PALM: variants seen among roughly 807,000 people sequenced by gnomAD.
The protein encoded by PALM is paralemmin.
PALM carries 18 observed loss-of-function variants against 30.7 expected under a neutral mutation model. The ratio of observed to expected loss-of-function variants is 0.59; its 90% confidence interval spans 0.41 to 0.87. The LOEUF (loss-of-function observed/expected upper bound fraction) is 0.87, where lower values mean the gene tolerates loss of function less well. Among genes scored for constraint, PALM ranks in the 40% least tolerant of loss-of-function variants. The pLI is 0.00. For missense variants in PALM, 529 were observed against 555.4 expected (o/e 0.95, Z 0.48); for synonymous variants, 286 against 242.8 (o/e 1.18, Z -1.66).
intron 1 of PALM, among the ~76,000 whole-genome samples, chr19:718,855 G>A (rs971810452): frequency 6.6e-6 from 1 of 152,046 alleles, no homozygotes; most frequent in Non-Finnish European, 1.5e-5. Context: ...TTGGACTCCG[G>A]GGCTTGGAGC....
chr19:714,053 C>T (rs1214063950), intron 1 of PALM, among the ~76,000 whole-genome samples: 3 of 151,788 alleles, frequency 2.0e-5, no homozygotes, highest in Non-Finnish European at 2.9e-5. Context: ...TACAGGTACC[C>T]GCCACCACAC....
At chr19:726,283 C>G (rs537389478) in intron 2 of PALM, 94 bp downstream of exon 2, 12 of 1,003,766 alleles carry the variant, frequency 1.2e-5, no homozygotes, top group Non-Finnish European at 1.5e-5. Flanking sequence ...GGACCTGGAA[C>G]CAGGGCATGG....
intron 7 of PALM, among the ~76,000 whole-genome samples, chr19:736,617 C>T (rs1282176782): frequency 6.6e-6 from 1 of 152,166 alleles, no homozygotes; most frequent in Non-Finnish European, 1.5e-5. Context: ...TGGTCTGCCG[C>T]CTTGAATTTC....
rs961334532 is a variant in PALM at position 709,598 on chromosome 19, C to T, written c.5+447C>T. Among the ~76,000 whole-genome samples, 2 of 151,902 alleles carry T rather than the reference C, an allele frequency of 1.3e-5. No homozygotes were observed. Among genetic ancestry groups the T allele is most frequent in the African/African-American group, 2.4e-5 (1 of 41,398 alleles). ...CCGCCCCAGTCTGAGCGCACGGCTC[C>T]TGGCGCCCTGGACGCGCGCGCGGGC... On this transcript the variant is annotated intron_variant, in intron 1 of 8. Coordinates refer to ENST00000338448, the MANE Select transcript of PALM (RefSeq NM_002579.3). This position sits in a 1 kb window ranked among gnomAD's most constrained non-coding sequence, Gnocchi z 4.3.
Position 711,840 on chromosome 19 carries a change from G to A in PALM, c.5+2689G>A, listed in dbSNP as rs560852075. Among the ~76,000 whole-genome samples the A allele has an allele frequency of 4.6e-5, 7 of 152,184 alleles. No homozygotes were observed. The East Asian group carries it at 1.2e-3, about 25-fold the overall frequency. The stretch of plus-strand genomic sequence containing the variant: ...TTTCCATGTTGCCCAGGCCAGTCTC[G>A]AACTCCTGGGCTCAAGCGACTTCCC... On this transcript the variant is annotated intron_variant, in intron 1 of 8. Transcript: ENST00000338448.
intron 4 of PALM, among the ~76,000 whole-genome samples, chr19:730,860 G>T (rs2032846488): frequency 6.6e-6 from 1 of 152,096 alleles, no homozygotes; most frequent in South Asian, 2.1e-4. Flanking sequence ...AATTAGCTGG[G>T]TGTGGTGGTG....
rs1053118062 is a variant in PALM, at chr19:719,216, C to T, written c.6-6922C>T. ...CCCATCCCACACACGCCCCTCCCGC[C>T]TCGGACAGGGCCCGCCCTGCTCGCT... On this transcript the variant is annotated intron_variant, in intron 1 of 8. Coordinates refer to ENST00000338448, the MANE Select transcript of PALM (RefSeq NM_002579.3). 78 of 985,622 alleles carry T rather than the reference C, an allele frequency of 7.9e-5. No homozygotes were observed. The African/African-American group carries it at 1.3e-3, about 17-fold the overall frequency. 61.1% of individuals were successfully genotyped at this position (985,622 alleles called of 1,614,324 possible). A position where few individuals can be genotyped will look rare whatever the true frequency, so the allele number is the denominator to read the frequency against.
At chr19:710,552 G>A (rs1442593986) in intron 1 of PALM, among the ~76,000 whole-genome samples, 1 of 152,180 alleles carries the variant, frequency 6.6e-6, no homozygotes, top group Non-Finnish European at 1.5e-5. Flanking sequence ...CCCTCCCAGA[G>A]GAGGGGTGTC....
At chr19:733,662 C>G (rs372086991) in intron 5 of PALM, among the ~76,000 whole-genome samples, 1 of 152,148 alleles carries the variant, frequency 6.6e-6, no homozygotes, top group Non-Finnish European at 1.5e-5. Flanking sequence ...CTGCGGGAGC[C>G]GCTGATGCGG....
intron 7 of PALM, among the ~76,000 whole-genome samples, chr19:737,318 C>T (rs1215968392): frequency 6.6e-6 from 1 of 152,254 alleles, no homozygotes; most frequent in Admixed American, 6.5e-5. Flanking sequence ...GTGCAGTGCA[C>T]AACCTGCTCA....
chr19:715,058 GT>G (rs746781323), intron 1 of PALM, among the ~76,000 whole-genome samples: 52 of 152,196 alleles, frequency 3.4e-4, no homozygotes, highest in Non-Finnish European at 1.5e-4. Context: ...CAGGTCAGGA[GT>G]TCGAGACCAG....
intron 1 of PALM, among the ~76,000 whole-genome samples, chr19:723,831 G>A (rs1358240322): frequency 6.6e-6 from 1 of 152,104 alleles, no homozygotes; most frequent in Non-Finnish European, 1.5e-5. Flanking sequence ...TCCGACCTCA[G>A]GTAATCCGCT....
chr19:718,620 T>C (rs2032348976), intron 1 of PALM, among the ~76,000 whole-genome samples: 1 of 151,866 alleles, frequency 6.6e-6, no homozygotes, highest in African/African-American at 2.4e-5. Flanking sequence ...TCTTCTCCTC[T>C]CCCCCGGGGT....
intron 1 of PALM, chr19:722,974 CT>C (rs2032540626): frequency 6.6e-6 from 1 of 152,382 alleles, no homozygotes; most frequent in Admixed American, 6.5e-5. Context: ...AGCTGGACAA[CT>C]TCACAGGCCT....
intron 1 of PALM, among the ~76,000 whole-genome samples, chr19:714,158 G>T (rs1483482225): frequency 6.6e-6 from 1 of 151,572 alleles, no homozygotes; most frequent in Non-Finnish European, 1.5e-5. Context: ...ACCCTCCTCG[G>T]CCTCCCAAAG....
intron 1 of PALM, among the ~76,000 whole-genome samples, chr19:712,364 T>C (rs1218727534): frequency 6.6e-6 from 1 of 151,958 alleles, no homozygotes; most frequent in African/African-American, 2.4e-5. Context: ...ATGCTTTATG[T>C]GTGAGAACTC....
intron 1 of PALM, chr19:719,562 C>T (rs899523268): frequency 1.0e-6 from 1 of 986,038 alleles, no homozygotes; most frequent in Non-Finnish European, 1.2e-6. Flanking sequence ...CCCGGGACCC[C>T]CAGCACCTGC....
At chr19:714,802 A>G (rs1247599931) in intron 1 of PALM, among the ~76,000 whole-genome samples, 2 of 152,024 alleles carry the variant, frequency 1.3e-5, no homozygotes, top group Non-Finnish European at 2.9e-5. Flanking sequence ...TGCCACCACC[A>G]CACCCTGCTA....
chr19:747,863 G>T lies in PALM; in HGVS notation c.*1049G>T. 1 of 152,742 alleles carries T rather than the reference G, an allele frequency of 6.5e-6. No homozygotes were observed. 9.5% of individuals were successfully genotyped at this position (152,742 alleles called of 1,614,324 possible). On this transcript the variant is annotated 3_prime_UTR_variant, in exon 9 of 9. Transcript: ENST00000338448. ...AGCCTGCCCCCAGCCCCCTCTCATT[G>T]GAAGTGGCAAGGGGCTTCCCTCCTG...
Sources: allele counts gnomAD v4.1 joint callset (sites outside exome capture counted in the v4.1 genomes callset), GRCh38; gene constraint gnomAD v4.1.1; non-coding constraint Gnocchi (gnomAD v3.1); transcripts MANE v1.5; gene names NCBI Gene and HGNC (gene_info 2026-07-23, HGNC 2026-07-21).